Variants in MROH1 observed in about 807,000 individuals in gnomAD.
MROH1 encodes maestro heat-like repeat-containing protein family member 1.
In MROH1, 117 loss-of-function variants were observed where a neutral mutation model predicts 116.5. The ratio of observed to expected loss-of-function variants is 1.00; its 90% CI spans 0.86 to 1.17. The LOEUF is 1.17. Among genes scored for constraint, MROH1 ranks in the 50% most tolerant of loss-of-function variants. The probability of loss-of-function intolerance (pLI) is 0.00; values close to 1 mark genes in which losing one functional copy is unlikely to be tolerated. For missense variants in MROH1, 1,873 were observed against 1,338.5 expected, an observed-to-expected ratio of 1.40 and a Z score of -6.23; for synonymous variants, 921 against 583.9, an observed-to-expected ratio of 1.58 and a Z score of -8.32.
At chr8:144,177,117 T>C (rs1824189696) in intron 4 of MROH1, among the ~76,000 whole-genome samples, 1 of 152,226 alleles carries the variant, frequency 6.6e-6, no homozygotes, top group Admixed American at 6.5e-5. Flanking sequence ...TTGGCTATTT[T>C]GAAGAACAAA....
chr8:144,257,621 TCA>T (rs1844134016), intron 35 of MROH1, among the ~76,000 whole-genome samples: 2 of 152,098 alleles, frequency 1.3e-5, no homozygotes, highest in African/African-American at 4.8e-5. Flanking sequence ...CATGAGGGCC[TCA>T]CACACCATCC....
intron 1 of MROH1, among the ~76,000 whole-genome samples, chr8:144,157,350 G>GGGATTACAGGCGTGAGTCTGTAT (rs1818409141): frequency 6.6e-6 from 1 of 152,200 alleles, no homozygotes. Flanking sequence ...CCAAAGTGCT[G>GGGATTACAGGCGTGAGTCTGTAT]GGATTACAGG....
chr8:144,197,459 G>A (rs539178377), intron 10 of MROH1, among the ~76,000 whole-genome samples: 1 of 62,840 alleles, frequency 1.6e-5, no homozygotes, highest in East Asian at 3.7e-4. Flanking sequence ...TTTTTGAGAC[G>A]GAATCTTGCT....
At chr8:144,191,637 C>T (rs913834534) in intron 8 of MROH1, 78 bp from the exon 9 acceptor site, 14 of 1,552,164 alleles carry the variant, frequency 9.0e-6, no homozygotes, top group Admixed American at 7.4e-5. Flanking sequence ...ACGTCCGTCA[C>T]GGGTGCTTGC....
At chr8:144,175,616 C>A in intron 4 of MROH1, 1 of 429,220 alleles carries the variant, frequency 2.3e-6, no homozygotes, top group Non-Finnish European at 2.8e-6. Context: ...GGAAGAGTGT[C>A]TAGATTATGA....
In MROH1 at chr8:144,163,775, GAGA is replaced by G. The variant is rs1820118633; in HGVS notation, c.-46_-44del. 3 of 1,607,026 alleles carry G rather than the reference GAGA, an allele frequency of 1.9e-6. No individual in the cohort carries two copies. The highest frequency in any genetic ancestry group is 2.2e-5 in the East Asian group (1 of 44,718). Reference sequence around the variant, plus strand: ...TTGTGATTTTGGTTATTCCAGATGGGAGAAGAAGTTGTCCATGTTCACACTGGG... The same window carrying G: ...TTGTGATTTTGGTTATTCCAGATGGGAGAAGTTGTCCATGTTCACACTGGG... On this transcript the variant is annotated 5_prime_UTR_variant, in exon 3 of 44. Transcript: ENST00000326134. The surrounding 1 kb of genome is among the most constrained non-coding windows in gnomAD (Gnocchi z 4.4).
chr8:144,177,967 C>T (rs1587918479), intron 4 of MROH1, among the ~76,000 whole-genome samples: 3 of 143,886 alleles, frequency 2.1e-5, no homozygotes, highest in South Asian at 2.2e-4. Flanking sequence ...ATTTCTTCTT[C>T]TTTTTTTTTT....
rs1554834981 is a variant in MROH1 at position 144,260,154 on chromosome 8, T to C, written c.4192-32T>C. 7 of 763,108 alleles carry C rather than the reference T, an allele frequency of 9.2e-6. No homozygotes were observed. In the Middle Eastern group the frequency reaches 9.2e-4, roughly 101 times the overall value. The allele number at this position is 763,108 out of a possible 1,614,324, so 47.3% of individuals were successfully genotyped here. On this transcript the variant is annotated intron_variant, in intron 38 of 43. Transcript: ENST00000326134. ...CTTGTGGGGTAGCAGACGGTGACTC[T>C]GGGACCCAGGCTGAGTGTAAGGTAT...
Position 144,190,864 on chromosome 8 carries a change from G to A in MROH1, c.643G>A (p.Ala215Thr), listed in dbSNP as rs1229056795. 1.6e-5 allele frequency: 26 copies of A among 1,613,650 alleles called. No individual in the cohort carries two copies. The highest frequency in any genetic ancestry group is 2.2e-5 in the East Asian group (1 of 44,880). The change falls in exon 8 of 44, where the codon GCC (alanine) becomes ACC (threonine). Residue 215 changes from alanine to threonine, a missense_variant. Coordinates refer to ENST00000326134, the MANE Select transcript of MROH1 (RefSeq NM_032450.3). ...CCCAGACCCCACGGTCAGGAAGGAC[G>A]CCTTTGCCACCGACATCTTCAGCGC... The part of the protein sequence containing the change: ...RAPDPTVRKD[A>T]FATDIFSAYD...
intron 22 of MROH1, 148 bp downstream of exon 22, chr8:144,241,665 C>T: frequency 1.4e-6 from 1 of 712,582 alleles, no homozygotes; most frequent in East Asian, 2.6e-5. Flanking sequence ...TGGGCAGGAC[C>T]TGTGCGTGGG....
In MROH1 at chr8:144,166,454, C is replaced by T. The variant is rs540299051; in HGVS notation, c.23-1841C>T. Among the ~76,000 whole-genome samples the T allele has an allele frequency of 5.3e-5, 8 of 152,290 alleles. No individual in the cohort carries two copies. The South Asian group carries it at 1.7e-3, about 32-fold the overall frequency. ...CAGCTCTGGGGTCCGCTCGGGCTGC[C>T]CCCGCGTCCCCAGCTGAGGCTGTGG... On this transcript the variant is annotated intron_variant, in intron 3 of 43. Transcript: ENST00000326134.
In MROH1 at chr8:144,160,999, C is replaced by T. The variant is rs1011710458; in HGVS notation, c.-147C>T. The T allele has an allele frequency of 6.5e-6, 1 of 152,756 alleles. No homozygotes were observed. The highest frequency in any genetic ancestry group is 1.5e-5 in the Non-Finnish European group (1 of 68,152). 9.5% of individuals were successfully genotyped at this position (152,756 alleles called of 1,614,324 possible). On this transcript the variant is annotated 5_prime_UTR_variant, in exon 2 of 44. Coordinates refer to ENST00000326134, the MANE Select transcript of MROH1 (RefSeq NM_032450.3). Reference sequence around the variant, plus strand: ...GAAGCTCCTGTTTTCTTGTCAGCCGCCAGCTGAGGGCCATTCGCAGCTTCT... The same window carrying T: ...GAAGCTCCTGTTTTCTTGTCAGCCGTCAGCTGAGGGCCATTCGCAGCTTCT...
At chr8:144,213,840 CAT>C (rs1359173568) in intron 12 of MROH1, among the ~76,000 whole-genome samples, 1 of 152,110 alleles carries the variant, frequency 6.6e-6, no homozygotes, top group Non-Finnish European at 1.5e-5. Context: ...CTGAGCATCT[CAT>C]ATTTTATCTG....
At chr8:144,220,571 G>A in intron 12 of MROH1, 29 bp from the exon 13 acceptor site, 1 of 1,554,922 alleles carries the variant, frequency 6.4e-7, no homozygotes, top group Non-Finnish European at 8.7e-7. Context: ...CTCAGTGGTA[G>A]GCTGAGCTGT....
At chr8:144,260,629 T>C (rs2130085857) in intron 39 of MROH1, 48 bp from the exon 40 acceptor site, 1 of 772,448 alleles carries the variant, frequency 1.3e-6, no homozygotes, top group Non-Finnish European at 2.4e-6. Context: ...CAGGCAGGCC[T>C]GCAGGGGCAC....
intron 35 of MROH1, among the ~76,000 whole-genome samples, chr8:144,258,412 G>A (rs1299600007): frequency 6.6e-6 from 1 of 152,216 alleles, no homozygotes; most frequent in Non-Finnish European, 1.5e-5. Flanking sequence ...TGCCAGGCAG[G>A]AACAGGCCCG....
chr8:144,221,689 C>A (rs9650467), intron 13 of MROH1, among the ~76,000 whole-genome samples: 62,511 of 151,920 alleles, frequency 0.41, 15,315 homozygotes, highest in East Asian at 0.72. Context: ...GTACCCCTGA[C>A]AGGGTCTTTT....
intron 33 of MROH1, chr8:144,250,950 G>A (rs1299871646): frequency 3.5e-4 from 66 of 190,814 alleles, no homozygotes; most frequent in Non-Finnish European, 1.0e-4. Context: ...CGAGGCCTCC[G>A]GAGCATGGGT....
chr8:144,215,824 G>A (rs1835115026), intron 12 of MROH1, among the ~76,000 whole-genome samples: 1 of 148,422 alleles, frequency 6.7e-6, no homozygotes, highest in African/African-American at 2.5e-5. Context: ...AGTGAGCCAA[G>A]ATTGTGCCAT....
Sources: allele counts gnomAD v4.1 joint callset (sites outside exome capture counted in the v4.1 genomes callset), GRCh38; gene constraint gnomAD v4.1.1; non-coding constraint Gnocchi (gnomAD v3.1); transcripts MANE v1.5; gene names NCBI Gene and HGNC (gene_info 2026-07-23, HGNC 2026-07-21).